METTL15: variants seen among roughly 807,000 people sequenced by gnomAD.
METTL15 encodes the protein methyltransferase 15, mitochondrial 12S rRNA N4-cytidine.
Under a neutral mutation model 38.3 loss-of-function variants are expected in METTL15, and 34 were observed. The observed-to-expected ratio is 0.89, with a 90% CI of 0.68 to 1.18. METTL15 has a LOEUF of 1.18. Among genes scored for constraint, METTL15 ranks in the 50% most tolerant of loss-of-function variants. The pLI is 0.00. For synonymous variants in METTL15, 162 were observed against 170.9 expected (o/e 0.95, Z 0.41); for missense variants, 438 against 498.4 (o/e 0.88, Z 1.15).
intron 3 of METTL15, among the ~76,000 whole-genome samples, chr11:28,121,626 CAATT>C (rs753864702): frequency 5.9e-5 from 9 of 151,988 alleles, no homozygotes; most frequent in Non-Finnish European, 1.2e-4. Context: ...TTGAAGAAAA[CAATT>C]TATTTTTCAT....
rs1413340057 is a variant in METTL15, at chr11:28,290,205, G to A, written c.408-1G>A. ...TCTCTATCTCCTGGGTTTACTCACA[G>A]TAAACAAATCCGAGCTATGCTGGGC... On this transcript the variant is annotated splice_acceptor_variant, in intron 4 of 6. Coordinates refer to ENST00000407364, the MANE Select transcript of METTL15 (RefSeq NM_001113528.2). LOFTEE classifies it high-confidence loss of function. 2 of 1,606,124 alleles carry A rather than the reference G, an allele frequency of 1.2e-6. No individual in the cohort carries two copies. Among genetic ancestry groups the A allele is most frequent in the Admixed American group, 1.7e-5 (1 of 58,878 alleles).
In METTL15 at chr11:28,310,817, GA is replaced by G. The variant is rs757113367; in HGVS notation, c.778+13893del. Among the ~76,000 whole-genome samples the G allele has an allele frequency of 2.8e-4, 42 of 151,124 alleles. No individual in the cohort carries two copies. The East Asian group carries it at 7.9e-3, about 28-fold the overall frequency. Reference sequence around the variant, plus strand: ...TTGATTGTGATATATCTTCCACCTGGAAAAAAATCTCTTTCCGTCTCCACCA... The same window carrying G: ...TTGATTGTGATATATCTTCCACCTGGAAAAAATCTCTTTCCGTCTCCACCA... On this transcript the variant is annotated intron_variant, in intron 6 of 6. Transcript: ENST00000407364.
chr11:28,525,910 C>A (rs1193918986), intron 6 of METTL15, among the ~76,000 whole-genome samples: 15 of 152,358 alleles, frequency 9.8e-5, no homozygotes, highest in African/African-American at 3.6e-4. Flanking sequence ...TGGGGAGTCT[C>A]AGGCATGGTG....
At chr11:28,236,835 G>A (rs1035431455) in intron 4 of METTL15, among the ~76,000 whole-genome samples, 11 of 152,116 alleles carry the variant, frequency 7.2e-5, no homozygotes, top group African/African-American at 2.7e-4. Flanking sequence ...TGTCTGTATA[G>A]TATTTTATTT....
chr11:28,408,316 A>G (rs1850692530), intron 5 of METTL15, among the ~76,000 whole-genome samples: 1 of 152,116 alleles, frequency 6.6e-6, no homozygotes, highest in Non-Finnish European at 1.5e-5. Flanking sequence ...AATGTAAAAT[A>G]TAATTACATC....
intron 4 of METTL15, among the ~76,000 whole-genome samples, chr11:28,245,336 T>C (rs1266922600): frequency 6.6e-6 from 1 of 152,068 alleles, no homozygotes; most frequent in African/African-American, 2.4e-5. Flanking sequence ...CATAAAAGGA[T>C]ATTTGAAATT....
chr11:28,186,386 AT>A (rs1310089659), intron 3 of METTL15, among the ~76,000 whole-genome samples: 3 of 151,230 alleles, frequency 2.0e-5, no homozygotes, highest in Non-Finnish European at 3.0e-5. Context: ...TGTCTTCAGA[AT>A]TTTTTTGTAT....
At chr11:28,495,963 G>T (rs1296998819) in intron 6 of METTL15, among the ~76,000 whole-genome samples, 2 of 152,166 alleles carry the variant, frequency 1.3e-5, no homozygotes, top group Non-Finnish European at 2.9e-5. Flanking sequence ...GAATTCTTCA[G>T]ATATCCTGAA....
intron 6 of METTL15, among the ~76,000 whole-genome samples, chr11:28,511,490 T>TA (rs2133500887): frequency 6.6e-6 from 1 of 152,332 alleles, no homozygotes; most frequent in South Asian, 2.1e-4. Context: ...CTGTGAGTGT[T>TA]ACAGTTCTTA....
intron 5 of METTL15, among the ~76,000 whole-genome samples, chr11:28,399,533 A>G (rs558729284): frequency 1.5e-4 from 23 of 151,924 alleles, no homozygotes; most frequent in Non-Finnish European, 3.1e-4. Flanking sequence ...TTAAACAATC[A>G]TTTATCTTCA....
chr11:28,198,789 T>A (rs573532666), intron 3 of METTL15, among the ~76,000 whole-genome samples: 13 of 152,124 alleles, frequency 8.5e-5, no homozygotes, highest in Non-Finnish European at 1.8e-4. Flanking sequence ...AGTTACATGT[T>A]CTAATTTATT....
intron 4 of METTL15, among the ~76,000 whole-genome samples, chr11:28,218,479 A>T (rs11030250): frequency 0.38 from 57,535 of 151,894 alleles, 12,494 homozygotes; most frequent in African/African-American, 0.6. Context: ...GGGGTTTTCT[A>T]GATATACAAT....
At chr11:28,162,459 G>A (rs1319252196) in intron 3 of METTL15, among the ~76,000 whole-genome samples, 5 of 152,078 alleles carry the variant, frequency 3.3e-5, no homozygotes, top group African/African-American at 4.8e-5. Context: ...AATGATCTAA[G>A]CATGTGTTTT....
intron 3 of METTL15, among the ~76,000 whole-genome samples, chr11:28,171,984 A>G (rs1337631118): frequency 1.3e-5 from 2 of 151,750 alleles, no homozygotes; most frequent in African/African-American, 4.8e-5. Flanking sequence ...TTTTTTTTGA[A>G]GAGATGGGGT....
At chr11:28,326,873 G>A (rs1042582586) in intron 6 of METTL15, among the ~76,000 whole-genome samples, 1 of 152,042 alleles carries the variant, frequency 6.6e-6, no homozygotes, top group African/African-American at 2.4e-5. Flanking sequence ...GCCTGCCTTA[G>A]CCTCCCAAAG....
chr11:28,181,404 C>T (rs1341958498), intron 3 of METTL15, among the ~76,000 whole-genome samples: 1 of 151,816 alleles, frequency 6.6e-6, no homozygotes, highest in Non-Finnish European at 1.5e-5. Context: ...CTATCCCTCC[C>T]CTAGTACCTC....
At chr11:28,447,000 G>A (rs1299631351) in intron 6 of METTL15, among the ~76,000 whole-genome samples, 1 of 151,938 alleles carries the variant, frequency 6.6e-6, no homozygotes. Flanking sequence ...TGTTTTCTGA[G>A]TTTAAAAATA....
chr11:28,319,687 C>T (rs1849393475), intron 6 of METTL15, among the ~76,000 whole-genome samples: 1 of 152,034 alleles, frequency 6.6e-6, no homozygotes, highest in Admixed American at 6.6e-5. Context: ...CTGGTATTTT[C>T]CCAAGTGTGT....
chr11:28,463,202 C>T (rs1175482659), intron 6 of METTL15, among the ~76,000 whole-genome samples: 2 of 152,032 alleles, frequency 1.3e-5, no homozygotes, highest in African/African-American at 4.8e-5. Context: ...AGAACAATTC[C>T]ATGCAGTTTT....
Sources: gnomAD v4.1 joint callset for allele counts (sites outside exome capture counted in the v4.1 genomes callset) on GRCh38, gnomAD v4.1.1 for gene constraint, MANE v1.5 for transcripts, NCBI Gene and HGNC (gene_info 2026-07-23, HGNC 2026-07-21) for gene names.